The following INSYN2A variants were observed in gnomAD, a reference collection of about 807,000 sequenced individuals.
INSYN2A encodes the protein family with sequence similarity 196 member A.
Under a neutral mutation model 39.4 loss-of-function variants are expected in INSYN2A, and 17 were observed. That is an observed-to-expected ratio of 0.43 (90% CI 0.30 to 0.65). The LOEUF is 0.65. Among genes scored for constraint, INSYN2A ranks in the 30% least tolerant of loss-of-function variants. The probability of loss-of-function intolerance (pLI) is 0.14; values close to 1 mark genes in which losing one functional copy is unlikely to be tolerated. For missense variants in INSYN2A, 595 were observed against 631.2 expected (o/e 0.94, Z 0.61); for synonymous variants, 255 against 265.7 (o/e 0.96, Z 0.39).
chr10:127,149,141 T>C (rs2052214680), intron 5 of INSYN2A, among the ~76,000 whole-genome samples: 1 of 152,168 alleles, frequency 6.6e-6, no homozygotes, highest in Non-Finnish European at 1.5e-5. Flanking sequence ...TTGAAACCCA[T>C]AGTTACATCC....
chr10:127,195,343 C>G (rs535376739), intron 1 of INSYN2A, among the ~76,000 whole-genome samples: 9 of 152,188 alleles, frequency 5.9e-5, no homozygotes. Context: ...ACGCCTGTCC[C>G]GGTCTGACTC....
Position 127,175,179 on chromosome 10 carries a change from A to T in INSYN2A, c.1184+33T>A. 1 of 1,560,410 alleles carries T rather than the reference A, an allele frequency of 6.4e-7. No individual in the cohort carries two copies. Among genetic ancestry groups the T allele is most frequent in the Admixed American group, 1.7e-5 (1 of 58,052 alleles). ...ATGGACTCTGTGGTGATCAGCCTGC[A>T]TAGCTTCCTAAGACATGGGTGAACA... On this transcript the variant is annotated intron_variant, in intron 4 of 5. Transcript: ENST00000522781. The surrounding 1 kb of genome is among the most constrained non-coding windows in gnomAD (Gnocchi z 6.3).
chr10:127,179,410 T>C (rs2055500838), intron 2 of INSYN2A, among the ~76,000 whole-genome samples: 1 of 152,262 alleles, frequency 6.6e-6, no homozygotes, highest in Non-Finnish European at 1.5e-5. Flanking sequence ...TTAATCACTT[T>C]AGTTTGTTAT....
rs1564871616 is a variant in INSYN2A at position 127,176,060 on chromosome 10, C to G, written c.336G>C (p.Lys112Asn). ...STGVQTSPDL[K>N]KCYQTFPLDR... ...CCAGAGGGAACGTCTGGTAACACTT[C>G]TTAAGGTCGGGCGAGGTCTGCACGC... Residue 112 changes from lysine (K) to asparagine (N), a missense_variant, in exon 4 of 6, where the codon AAG becomes AAC. Lys to Asn is a moderately conservative substitution (Grantham distance 94). Transcript: ENST00000522781. The surrounding 1 kb of genome is among the most constrained non-coding windows in gnomAD (Gnocchi z 4.4). 3 of 1,614,108 alleles carry G rather than the reference C, an allele frequency of 1.9e-6. No individual in the cohort carries two copies. The highest frequency in any genetic ancestry group is 1.7e-6 in the Non-Finnish European group (2 of 1,180,024).
intron 5 of INSYN2A, among the ~76,000 whole-genome samples, chr10:127,151,778 GGT>G (rs2052512493): frequency 6.6e-6 from 1 of 152,140 alleles, no homozygotes; most frequent in Non-Finnish European, 1.5e-5. Context: ...TGTGGTGCTT[GGT>G]CACTCGCAGT....
Position 127,196,256 on chromosome 10 carries a change from C to T in INSYN2A, c.-654G>A, listed in dbSNP as rs1470475692. 1.3e-5 allele frequency: 2 copies of T among 149,110 alleles called. No homozygotes were observed. Among genetic ancestry groups the T allele is most frequent in the African/African-American group, 4.9e-5 (2 of 41,080 alleles). The allele number at this position is 149,110 out of a possible 1,614,324, so 9.2% of individuals were successfully genotyped here. A position where few individuals can be genotyped will look rare whatever the true frequency, so the allele number is the denominator to read the frequency against. On this transcript the variant is annotated 5_prime_UTR_variant, in exon 1 of 6. Transcript: ENST00000522781. ...CGCCGCAGCTCGCGTCGCTCGCGTC[C>T]CTCCGGCCCCGCTTAGCGACGCGCG...
At chr10:127,163,091 G>A (rs531142249) in intron 4 of INSYN2A, among the ~76,000 whole-genome samples, 1 of 152,310 alleles carries the variant, frequency 6.6e-6, no homozygotes, top group East Asian at 1.9e-4. Flanking sequence ...CACCTTGTTT[G>A]TGGCTCTCTT....
chr10:127,144,713 A>G (rs1423370809), intron 5 of INSYN2A, among the ~76,000 whole-genome samples: 1 of 152,228 alleles, frequency 6.6e-6, no homozygotes, highest in Non-Finnish European at 1.5e-5. Flanking sequence ...AGTTTAAAAT[A>G]TCAGTGGTTT....
At chr10:127,166,102 G>T (rs1010738859) in intron 4 of INSYN2A, among the ~76,000 whole-genome samples, 5 of 152,052 alleles carry the variant, frequency 3.3e-5, no homozygotes, top group African/African-American at 1.2e-4. Context: ...GTCTCGCTCT[G>T]TAGCGTAGGC....
At chr10:127,151,170 TTTAA>T (rs1486488141) in intron 5 of INSYN2A, among the ~76,000 whole-genome samples, 5 of 152,184 alleles carry the variant, frequency 3.3e-5, no homozygotes, top group Admixed American at 1.3e-4. Flanking sequence ...ATCGTTAAAC[TTTAA>T]TTATTTCCAT....
chr10:127,174,379 A>G (rs2054871168), intron 4 of INSYN2A, among the ~76,000 whole-genome samples: 1 of 152,174 alleles, frequency 6.6e-6, no homozygotes, highest in Non-Finnish European at 1.5e-5. Flanking sequence ...GCTGCTTTGT[A>G]TCAGCTGAGC....
intron 5 of INSYN2A, among the ~76,000 whole-genome samples, chr10:127,147,396 G>A (rs964717246): frequency 5.9e-5 from 9 of 152,152 alleles, no homozygotes; most frequent in African/African-American, 1.7e-4. Flanking sequence ...CTCCCTCCAC[G>A]ATTATCTTGT....
In INSYN2A at chr10:127,176,510, T is replaced by C; in HGVS notation, c.-5-110A>G. ...ACGACTGCCTGTTTCCTAATTATAT[T>C]TAAGCAGGTGAGGTCGGCCTTTATG... On this transcript the variant is annotated intron_variant, in intron 3 of 5. Transcript: ENST00000522781. The surrounding 1 kb of genome is among the most constrained non-coding windows in gnomAD (Gnocchi z 4.4). 1 of 899,030 alleles carries C rather than the reference T, an allele frequency of 1.1e-6. No homozygotes were observed. The highest frequency in any genetic ancestry group is 1.7e-6 in the Non-Finnish European group (1 of 596,620). 55.7% of individuals were successfully genotyped at this position (899,030 alleles called of 1,614,324 possible).
At chr10:127,159,303 A>G (rs2053378886) in intron 4 of INSYN2A, among the ~76,000 whole-genome samples, 1 of 152,142 alleles carries the variant, frequency 6.6e-6, no homozygotes, top group African/African-American at 2.4e-5. Context: ...GTGGAGCTCT[A>G]GTCAGGGCTA....
intron 2 of INSYN2A, among the ~76,000 whole-genome samples, chr10:127,188,234 A>AT (rs2056456347): frequency 2.0e-5 from 3 of 152,316 alleles, no homozygotes; most frequent in Admixed American, 2.0e-4. Context: ...GGGTGGATTC[A>AT]TGTTCCACAG....
Position 127,176,065 on chromosome 10 carries a change from G to A in INSYN2A, c.331C>T (p.Leu111Phe), listed in dbSNP as rs1186765008. ...GGGAACGTCTGGTAACACTTCTTAA[G>A]GTCGGGCGAGGTCTGCACGCCTGTG... The part of the protein sequence containing the change: ...KSTGVQTSPD[L>F]KKCYQTFPLD... The change falls in exon 4 of 6, where the codon CTT becomes TTT. Residue 111 changes from leucine (L) to phenylalanine (F), a missense_variant. Around this residue, in one of 2 missense-constraint regions of INSYN2A, gnomAD observed 478 missense variants for 467.4 expected, o/e 1.02. Coordinates refer to ENST00000522781, the MANE Select transcript of INSYN2A (RefSeq NM_001039762.3). The surrounding 1 kb of genome is among the most constrained non-coding windows in gnomAD (Gnocchi z 4.4). 1.2e-6 allele frequency: 2 copies of A among 1,614,120 alleles called. No individual in the cohort carries two copies. The highest frequency in any genetic ancestry group is 2.7e-5 in the African/African-American group (2 of 75,014).
intron 4 of INSYN2A, among the ~76,000 whole-genome samples, chr10:127,159,469 C>G (rs551809143): frequency 3.0e-4 from 46 of 152,186 alleles, no homozygotes; most frequent in Non-Finnish European, 5.7e-4. Context: ...TACTTGTATA[C>G]TTACAAGTAT....
At chr10:127,171,641 A>C (rs1192470669) in intron 4 of INSYN2A, among the ~76,000 whole-genome samples, 1 of 152,178 alleles carries the variant, frequency 6.6e-6, no homozygotes, top group Non-Finnish European at 1.5e-5. Flanking sequence ...CCCCAGCTTC[A>C]AGAGTGTTCT....
intron 2 of INSYN2A, among the ~76,000 whole-genome samples, chr10:127,177,853 G>A (rs2055323794): frequency 6.6e-6 from 1 of 152,206 alleles, no homozygotes; most frequent in East Asian, 1.9e-4. Context: ...TGAAGGTCAA[G>A]GCTACACTTC....
Sources: allele counts gnomAD v4.1 joint callset (sites outside exome capture counted in the v4.1 genomes callset), GRCh38; gene constraint gnomAD v4.1.1; regional missense constraint gnomAD v4.1.1; non-coding constraint Gnocchi (gnomAD v3.1); transcripts MANE v1.5; gene names NCBI Gene and HGNC (gene_info 2026-07-23, HGNC 2026-07-21).